Variants in KIF7 observed in about 807,000 individuals in gnomAD.
KIF7 encodes the protein kinesin-like protein KIF7.
KIF7 carries 104 observed loss-of-function variants against 135.7 expected under a neutral mutation model. The ratio of observed to expected loss-of-function variants is 0.77; its 90% confidence interval spans 0.65 to 0.90. The LOEUF (loss-of-function observed/expected upper bound fraction) is 0.90, where lower values mean the gene tolerates loss of function less well. KIF7 is among the 40% of genes least tolerant of loss of function. The probability of loss-of-function intolerance (pLI) is 0.00; values close to 1 mark genes in which losing one functional copy is unlikely to be tolerated. For missense variants in KIF7, 2,005 were observed against 1,839.1 expected (o/e 1.09, Z -1.65); for synonymous variants, 883 against 809.4 (o/e 1.09, Z -1.54).
At chr15:89,628,929 C>G in intron 18 of KIF7, 47 bp downstream of exon 18, 1 of 1,613,832 alleles carries the variant, frequency 6.2e-7, no homozygotes, top group Admixed American at 1.7e-5. Context: ...TAAGCTTTCC[C>G]CAAAGAAAGG....
At chr15:89,661,159 A>G in the KIF7 span, among the ~76,000 whole-genome samples, 1 of 152,236 alleles carries the variant, frequency 6.6e-6, no homozygotes, top group South Asian at 2.1e-4. Flanking sequence ...CTGTCTTTTA[A>G]AACTGAATCC....
intron 4 of KIF7, 30 bp from the exon 5 acceptor site, chr15:89,648,804 G>T: frequency 1.3e-6 from 2 of 1,517,914 alleles, no homozygotes; most frequent in African/African-American, 1.4e-5. Flanking sequence ...GCTCTCAGGG[G>T]CCCCGACGCT....
intron 1 of KIF7, 144 bp from the exon 2 acceptor site, chr15:89,653,098 G>A: frequency 1.6e-6 from 1 of 623,002 alleles, no homozygotes; most frequent in African/African-American, 1.8e-5. Context: ...ATATCCCCAT[G>A]TCCAACCTGG....
chr15:89,662,336 A>C, the KIF7 span, among the ~76,000 whole-genome samples: 5 of 152,114 alleles, frequency 3.3e-5, no homozygotes, highest in Admixed American at 6.5e-5. Flanking sequence ...GTCTCTACTA[A>C]AAATGTGAGA....
Position 89,628,416 on chromosome 15 carries a change from G to A in KIF7, c.*3C>T, listed in dbSNP as rs753735004. 2.5e-6 allele frequency: 4 copies of A among 1,602,880 alleles called. No homozygotes were observed. Among genetic ancestry groups the A allele is most frequent in the Admixed American group, 3.4e-5 (2 of 58,972 alleles). Reference sequence around the variant, plus strand: ...CCTCCAAGGCAGGGTCTGCCCCGAGGGCTTACAGGGGGTTTTTCCGGACAT... The same window carrying A: ...CCTCCAAGGCAGGGTCTGCCCCGAGAGCTTACAGGGGGTTTTTCCGGACAT... On this transcript the variant is annotated 3_prime_UTR_variant, in exon 19 of 19. Coordinates refer to ENST00000394412, the MANE Select transcript of KIF7 (RefSeq NM_198525.3).
chr15:89,628,840 A>C, intron 18 of KIF7, 54 bp from the exon 19 acceptor site: 1 of 1,611,886 alleles, frequency 6.2e-7, no homozygotes, highest in Non-Finnish European at 8.5e-7. Flanking sequence ...CACCTTCCCG[A>C]AGCCCTAGCT....
downstream of KIF7, chr15:89,626,126 C>T (rs1305120130): frequency 6.3e-7 from 1 of 1,582,372 alleles, no homozygotes; most frequent in Non-Finnish European, 8.6e-7. Flanking sequence ...CCAGGGTTGC[C>T]AGGCAGCTCG....
At chr15:89,626,665 C>G (rs1963533669), downstream of KIF7, among the ~76,000 whole-genome samples, 1 of 152,078 alleles carries the variant, frequency 6.6e-6, no homozygotes, top group Non-Finnish European at 1.5e-5. Flanking sequence ...ACAGCATAAC[C>G]CCAGAGATCT....
chr15:89,629,689 G>A (rs1963630623), intron 16 of KIF7, 116 bp from the exon 17 acceptor site: 3 of 1,393,690 alleles, frequency 2.2e-6, no homozygotes, highest in Non-Finnish European at 2.9e-6. Context: ...GAAATCACCA[G>A]GGTCTTCCCT....
chr15:89,641,763 T>G lies in KIF7; in HGVS notation c.2394+440A>C, dbSNP rs140288583. Among the ~76,000 whole-genome samples the G allele has an allele frequency of 7.0e-3, 1,062 of 152,216 alleles. 12 individuals are homozygous for G. The highest frequency in any genetic ancestry group is 0.024 in the African/African-American group (1,008 of 41,520). ...TTGCAGTGAGCCAGGATGGTGGCAC[T>G]GTACTCCAGCCTGGGCAACAGAGTG... On this transcript the variant is annotated intron_variant, in intron 11 of 18. Coordinates refer to ENST00000394412, the MANE Select transcript of KIF7 (RefSeq NM_198525.3).
chr15:89,629,870 C>T, intron 16 of KIF7: 1 of 546,326 alleles, frequency 1.8e-6, no homozygotes, highest in Non-Finnish European at 3.3e-6. Flanking sequence ...CCAACCTCAG[C>T]ACTATGGACA....
chr15:89,619,660 C>A, intron 1 of KIF7: 1 of 1,559,640 alleles, frequency 6.4e-7, no homozygotes, highest in African/African-American at 1.4e-5. Context: ...GAGAAAATGT[C>A]AAGCTTGTAG....
At chr15:89,647,840 C>T in intron 5 of KIF7, 128 bp from the exon 6 acceptor site, 1 of 792,904 alleles carries the variant, frequency 1.3e-6, no homozygotes, top group South Asian at 1.8e-5. Context: ...AACTCCAGAC[C>T]CACTGGTGGG....
intron 11 of KIF7, among the ~76,000 whole-genome samples, chr15:89,635,720 C>A (rs1046377458): frequency 1.3e-5 from 2 of 152,094 alleles, no homozygotes; most frequent in African/African-American, 4.8e-5. Flanking sequence ...CTGAAAGTGA[C>A]GGGGAGAATG....
At chr15:89,656,803 C>G (rs1023100846), upstream of KIF7, among the ~76,000 whole-genome samples, 1 of 152,182 alleles carries the variant, frequency 6.6e-6, no homozygotes, top group Non-Finnish European at 1.5e-5. Context: ...TGTTCTTTGA[C>G]ATGCTGTAGA....
chr15:89,630,090 G>A (rs1320644133), intron 16 of KIF7, 197 bp downstream of exon 16: 1 of 623,988 alleles, frequency 1.6e-6, no homozygotes, highest in African/African-American at 1.8e-5. Flanking sequence ...AGCAGAAGTG[G>A]GGGGCGGGTA....
At chr15:89,626,072 T>C (rs1336375391), downstream of KIF7, 1 of 1,613,490 alleles carries the variant, frequency 6.2e-7, no homozygotes, top group Admixed American at 1.7e-5. Context: ...GTAATGTTTG[T>C]TGAAGGTCTA....
chr15:89,635,232 CAG>C (rs1366092737), intron 11 of KIF7, among the ~76,000 whole-genome samples: 1 of 152,194 alleles, frequency 6.6e-6, no homozygotes, highest in Admixed American at 6.5e-5. Context: ...GGGGAAAAAA[CAG>C]AGCAGAAAAA....
In KIF7 at chr15:89,618,794, TA is replaced by T. The variant is rs369696419; in HGVS notation, c.181-600del. 4.2e-4 allele frequency among the ~76,000 whole-genome samples: 64 copies of T among 152,214 alleles called. No individual in the cohort carries two copies. In the East Asian group the frequency reaches 9.1e-3, roughly 22 times the overall value. On this transcript the variant is annotated intron_variant and NMD_transcript_variant, in intron 1 of 2. Coordinates refer to the KIF7 transcript ENST00000558928. ...GCAACACAGTGAGGTGCTGTGTCTA[TA>T]AAAAATTTAAAAAATCAGCTGGTCA...
Sources: gnomAD v4.1 joint callset for allele counts (sites outside exome capture counted in the v4.1 genomes callset) on GRCh38, gnomAD v4.1.1 for gene constraint, MANE v1.5 for transcripts, NCBI Gene and HGNC (gene_info 2026-07-23, HGNC 2026-07-21) for gene names.